PARD3B: variants seen among roughly 807,000 people sequenced by gnomAD.
PARD3B encodes par-3 family cell polarity regulator beta.
A neutral mutation model predicts 130.2 loss-of-function variants in PARD3B; 103 were observed. That is an observed-to-expected ratio of 0.79 (90% confidence interval 0.67 to 0.93). The LOEUF is 0.93. Among genes scored for constraint, PARD3B ranks in the 40% least tolerant of loss-of-function variants. The probability of loss-of-function intolerance (pLI) is 0.00; values close to 1 mark genes in which losing one functional copy is unlikely to be tolerated. For missense variants in PARD3B, 1,609 were observed against 1,499.2 expected, an observed-to-expected ratio of 1.07 and a Z score of -1.21; for synonymous variants, 583 against 553.2, an observed-to-expected ratio of 1.05 and a Z score of -0.76.
At position 205,615,903 on chromosome 2, in the gene PARD3B, G is replaced by C. The variant is rs2055418361; in HGVS notation, c.*90G>C. The C allele has an allele frequency of 8.1e-6, 9 of 1,104,622 alleles. No homozygotes were observed. Among genetic ancestry groups the C allele is most frequent in the Non-Finnish European group, 7.9e-6 (6 of 759,152 alleles). The allele number at this position is 1,104,622 out of a possible 1,614,324, so 68.4% of individuals were successfully genotyped here. ...AAACCTGAAGACCTCCTTGGTGTTA[G>C]GAATTCTCCATGTTACTGATAAGCT... is the stretch of plus-strand genomic sequence containing the variant. On this transcript the variant is annotated 3_prime_UTR_variant, in exon 23 of 23. Coordinates refer to ENST00000406610, the MANE Select transcript of PARD3B (RefSeq NM_001302769.2).
At chr2:205,004,374 T>C (rs1281240907) in intron 3 of PARD3B, among the ~76,000 whole-genome samples, 7 of 152,256 alleles carry the variant, frequency 4.6e-5, no homozygotes, top group African/African-American at 1.7e-4. Context: ...GAAGACCAGG[T>C]ATTATTTTTT....
At chr2:204,924,863 G>T (rs1259348842) in intron 2 of PARD3B, among the ~76,000 whole-genome samples, 1 of 152,008 alleles carries the variant, frequency 6.6e-6, no homozygotes, top group Non-Finnish European at 1.5e-5. Flanking sequence ...AGACAACTCT[G>T]CAAAAACTGT....
intron 2 of PARD3B, among the ~76,000 whole-genome samples, chr2:204,757,767 G>C (rs1389396136): frequency 6.6e-6 from 1 of 152,052 alleles, no homozygotes; most frequent in Non-Finnish European, 1.5e-5. Flanking sequence ...TATGCTGAGT[G>C]CTTTTGAAGT....
At chr2:205,103,610 G>C in intron 4 of PARD3B, 2 of 659,152 alleles carry the variant, frequency 3.0e-6, no homozygotes, top group Non-Finnish European at 3.8e-6. Context: ...TGAAACCGGA[G>C]TCCACGTGTA....
intron 1 of PARD3B, among the ~76,000 whole-genome samples, chr2:204,641,202 G>C (rs960652617): frequency 1.3e-5 from 2 of 149,058 alleles, no homozygotes; most frequent in African/African-American, 4.9e-5. Flanking sequence ...TATATGGCTG[G>C]AGTAAATATA....
intron 1 of PARD3B, among the ~76,000 whole-genome samples, chr2:204,638,348 C>G (rs2034957896): frequency 6.6e-6 from 1 of 152,290 alleles, no homozygotes; most frequent in Admixed American, 6.5e-5. Flanking sequence ...ATATCATCTT[C>G]TACTTTATGT....
intron 2 of PARD3B, among the ~76,000 whole-genome samples, chr2:204,743,597 A>C (rs1262383547): frequency 6.6e-6 from 1 of 152,140 alleles, no homozygotes; most frequent in African/African-American, 2.4e-5. Context: ...GCAGGGGTTT[A>C]TATCAGCCAG....
chr2:205,156,280 G>C (rs1374373273), intron 10 of PARD3B, among the ~76,000 whole-genome samples: 4 of 133,814 alleles, frequency 3.0e-5, no homozygotes, highest in East Asian at 2.5e-4. Context: ...GCGGGGGGGG[G>C]AGGAATAGCA....
At chr2:204,740,340 C>T (rs1287501262) in intron 2 of PARD3B, among the ~76,000 whole-genome samples, 1 of 152,108 alleles carries the variant, frequency 6.6e-6, no homozygotes, top group East Asian at 1.9e-4. Flanking sequence ...TTCTTTACAT[C>T]TTCGGCACAT....
chr2:205,204,742 A>G (rs1016515528), intron 15 of PARD3B, among the ~76,000 whole-genome samples: 1 of 152,198 alleles, frequency 6.6e-6, no homozygotes, highest in African/African-American at 2.4e-5. Flanking sequence ...CAGGTCTGTC[A>G]TAGATCAGAT....
intron 1 of PARD3B, among the ~76,000 whole-genome samples, chr2:204,685,541 AATT>A (rs1466030965): frequency 2.6e-5 from 4 of 152,186 alleles, no homozygotes; most frequent in African/African-American, 9.6e-5. Context: ...ACATCTCTTT[AATT>A]ACTACCCCAA....
intron 2 of PARD3B, among the ~76,000 whole-genome samples, chr2:204,802,900 G>A (rs2042622206): frequency 6.6e-6 from 1 of 151,884 alleles, no homozygotes; most frequent in Non-Finnish European, 1.5e-5. Flanking sequence ...ATGATGGGTT[G>A]ATGGGTGCAG....
intron 3 of PARD3B, among the ~76,000 whole-genome samples, chr2:205,036,132 ATATATAT>A (rs1047408304): frequency 1.4e-4 from 20 of 146,132 alleles, no homozygotes; most frequent in African/African-American, 4.5e-4. Context: ...ACAGAGGTAC[ATATATAT>A]TATATATATA....
intron 1 of PARD3B, among the ~76,000 whole-genome samples, chr2:204,580,732 A>G (rs915479355): frequency 2.0e-5 from 3 of 152,164 alleles, no homozygotes; most frequent in Non-Finnish European, 4.4e-5. Context: ...TTCATTGAAT[A>G]TGGCAGAATT....
chr2:204,880,108 A>G (rs1262341653), intron 2 of PARD3B, among the ~76,000 whole-genome samples: 2 of 152,182 alleles, frequency 1.3e-5, no homozygotes, highest in African/African-American at 2.4e-5. Flanking sequence ...AAAGGGAAAA[A>G]GACTGGATCC....
At position 205,347,308 on chromosome 2, in the gene PARD3B, T is replaced by C. The variant is rs184185562; in HGVS notation, c.2630+45607T>C. On this transcript the variant is annotated intron_variant, in intron 18 of 22. Coordinates refer to ENST00000406610, the MANE Select transcript of PARD3B (RefSeq NM_001302769.2). ...TCCATTGAAAATGGTGGTTGTCTTCTTTAAAAAATAAAAATAAAAATAAAA... is the reference window on the plus strand; with the variant it reads ...TCCATTGAAAATGGTGGTTGTCTTCCTTAAAAAATAAAAATAAAAATAAAA... Among the ~76,000 whole-genome samples, 7 of 152,306 alleles carry C rather than the reference T, an allele frequency of 4.6e-5. No individual in the cohort carries two copies. The East Asian group carries it at 1.3e-3, about 29-fold the overall frequency.
chr2:204,753,620 G>A (rs2040551441), intron 2 of PARD3B, among the ~76,000 whole-genome samples: 1 of 152,138 alleles, frequency 6.6e-6, no homozygotes, highest in Non-Finnish European at 1.5e-5. Flanking sequence ...GACCAAATAA[G>A]TTAACATCTC....
intron 21 of PARD3B, among the ~76,000 whole-genome samples, chr2:205,543,745 A>G (rs1290763390): frequency 1.3e-5 from 2 of 152,220 alleles, no homozygotes; most frequent in African/African-American, 4.8e-5. Flanking sequence ...TGATACTGAT[A>G]GTGGAGTGTT....
rs540282837 is a variant in PARD3B, at chr2:204,907,683, A to G, written c.223-57469A>G. On this transcript the variant is annotated intron_variant, in intron 2 of 22. Transcript: ENST00000406610. This position sits in a 1 kb window ranked among gnomAD's most constrained non-coding sequence, Gnocchi z 5.7. The stretch of plus-strand genomic sequence containing the variant: ...TGTTACTTCATGGGCTTGTTTCTAT[A>G]AAGAGTGGTTTTTTTGTCTTGTTTT... Among the ~76,000 whole-genome samples, 1 of 152,050 alleles carries G rather than the reference A, an allele frequency of 6.6e-6. No homozygotes were observed. Among genetic ancestry groups the G allele is most frequent in the South Asian group, 2.1e-4 (1 of 4,808 alleles).
Sources: gnomAD v4.1 joint callset for allele counts (sites outside exome capture counted in the v4.1 genomes callset) on GRCh38, gnomAD v4.1.1 for gene constraint, Gnocchi (gnomAD v3.1) non-coding constraint, MANE v1.5 for transcripts, NCBI Gene and HGNC (gene_info 2026-07-23, HGNC 2026-07-21) for gene names.